The following LRRK2 variants were observed in gnomAD, a reference collection of about 807,000 sequenced individuals.
LRRK2 encodes leucine rich repeat kinase 2.
Under a neutral mutation model 302.6 loss-of-function variants are expected in LRRK2, and 203 were observed. The ratio of observed to expected loss-of-function variants is 0.67; its 90% CI spans 0.60 to 0.75. The LOEUF (loss-of-function observed/expected upper bound fraction) is 0.75, where lower values mean the gene tolerates loss of function less well. Ranked by LOEUF, LRRK2 falls within the 30% of genes least tolerant of loss-of-function variation. The pLI, the probability that LRRK2 is intolerant of heterozygous loss-of-function variation, is 0.00. For missense variants in LRRK2, 2,830 were observed against 2,951.0 expected, an observed-to-expected ratio of 0.96 and a Z score of 0.95; for synonymous variants, 1,066 against 1,031.9, an observed-to-expected ratio of 1.03 and a Z score of -0.63.
chr12:40,306,565 A>G (rs1384759813), intron 28 of LRRK2, among the ~76,000 whole-genome samples: 3 of 151,992 alleles, frequency 2.0e-5, no homozygotes, highest in African/African-American at 4.8e-5. Flanking sequence ...CGGTCTTATT[A>G]CTTTCTCATA....
At chr12:40,293,695 G>A in intron 21 of LRRK2, 32 bp downstream of exon 21, 1 of 1,410,486 alleles carries the variant, frequency 7.1e-7, no homozygotes, top group Admixed American at 1.7e-5. Context: ...TGATTATGTT[G>A]TGTTTTGCTG....
At chr12:40,230,354 G>C (rs1346881499) in intron 2 of LRRK2, among the ~76,000 whole-genome samples, 1 of 151,940 alleles carries the variant, frequency 6.6e-6, no homozygotes, top group African/African-American at 2.4e-5. Context: ...ATTCCTTATT[G>C]GGTGCATATA....
At chr12:40,350,149 T>C (rs1042852957) in intron 43 of LRRK2, among the ~76,000 whole-genome samples, 1 of 152,242 alleles carries the variant, frequency 6.6e-6, no homozygotes, top group African/African-American at 2.4e-5. Context: ...TTCTTGTTTA[T>C]GCTGAATATG....
chr12:40,241,057 C>T (rs1253188678), intron 6 of LRRK2, among the ~76,000 whole-genome samples: 1 of 152,150 alleles, frequency 6.6e-6, no homozygotes, highest in Non-Finnish European at 1.5e-5. Context: ...AGGCAGTGGG[C>T]ATGGTTAATG....
intron 39 of LRRK2, among the ~76,000 whole-genome samples, chr12:40,330,510 T>C (rs1945682523): frequency 6.6e-6 from 1 of 152,176 alleles, no homozygotes; most frequent in Admixed American, 6.5e-5. Context: ...TGTGTTTGTG[T>C]GTAGGTTGTT....
intron 20 of LRRK2, among the ~76,000 whole-genome samples, chr12:40,291,039 A>G (rs1475474466): frequency 1.3e-5 from 2 of 152,166 alleles, no homozygotes; most frequent in Non-Finnish European, 2.9e-5. Flanking sequence ...CAAATGTCCA[A>G]CAATGATAGA....
intron 3 of LRRK2, among the ~76,000 whole-genome samples, chr12:40,233,930 A>G (rs1351949840): frequency 6.6e-6 from 1 of 152,242 alleles, no homozygotes; most frequent in East Asian, 1.9e-4. Context: ...AGTTGTGAAG[A>G]AGATAGACAC....
At chr12:40,366,335 C>T (rs1946879989) in intron 49 of LRRK2, 1 of 151,852 alleles carries the variant, frequency 6.6e-6, no homozygotes, top group African/African-American at 2.4e-5. Flanking sequence ...TCTGAGAAGC[C>T]AACACTGATT....
chr12:40,252,413 G>A (rs1202604298), intron 10 of LRRK2, among the ~76,000 whole-genome samples: 1 of 152,132 alleles, frequency 6.6e-6, no homozygotes, highest in African/African-American at 2.4e-5. Context: ...ATCTCATGTT[G>A]AGCAAGGCTT....
rs199966130 is a variant in LRRK2 at position 40,322,435 on chromosome 12, G to T, written c.5434G>T (p.Ala1812Ser). ...AGGAGAAACTCTGTTGAAGAAATGG[G>T]CATTATATAGTTTTAATGATGGTGA... is the stretch of plus-strand genomic sequence containing the variant. ...GEGETLLKKW[A>S]LYSFNDGEEH... The change falls in exon 37 of 51, where the codon GCA becomes TCA. Residue 1812 changes from alanine (A) to serine (S), a missense_variant. By Grantham distance (99) the Ala-to-Ser change is moderately conservative (BLOSUM62 1). Transcript: ENST00000298910. 1.2e-5 allele frequency: 20 copies of T among 1,613,092 alleles called. No homozygotes were observed. The Admixed American group carries it at 2.8e-4, about 23-fold the overall frequency.
chr12:40,352,313 G>T (rs1298278780), intron 44 of LRRK2, among the ~76,000 whole-genome samples: 3 of 152,038 alleles, frequency 2.0e-5, no homozygotes, highest in African/African-American at 7.2e-5. Context: ...CGTACCTGAT[G>T]GATAAAGGAG....
chr12:40,230,491 T>A (rs1487435044), intron 2 of LRRK2, among the ~76,000 whole-genome samples: 1 of 152,174 alleles, frequency 6.6e-6, no homozygotes, highest in African/African-American at 2.4e-5. Context: ...TCCTCACCGC[T>A]CATCCGTTCT....
intron 13 of LRRK2, among the ~76,000 whole-genome samples, chr12:40,261,307 C>T (rs971162050): frequency 2.0e-5 from 3 of 151,960 alleles, no homozygotes; most frequent in Admixed American, 6.6e-5. Context: ...ACTCAAAAAC[C>T]GTTTCTGTTA....
intron 42 of LRRK2, among the ~76,000 whole-genome samples, chr12:40,347,553 T>C (rs1946224235): frequency 6.6e-6 from 1 of 152,252 alleles, no homozygotes; most frequent in South Asian, 2.1e-4. Context: ...AAATAGAGCT[T>C]TATCTTTTTT....
intron 20 of LRRK2, among the ~76,000 whole-genome samples, chr12:40,288,362 A>G (rs1944008859): frequency 6.6e-6 from 1 of 151,896 alleles, no homozygotes; most frequent in Non-Finnish European, 1.5e-5. Flanking sequence ...AAGTTATGCA[A>G]TATTTTCATT....
In LRRK2 at chr12:40,294,854, T is replaced by G. The variant is rs953836925; in HGVS notation, c.2818T>G (p.Phe940Val). 22 of 1,540,250 alleles carry G rather than the reference T, an allele frequency of 1.4e-5. No individual in the cohort carries two copies. The highest frequency in any genetic ancestry group is 1.8e-5 in the Non-Finnish European group (20 of 1,117,642). Residue 940 changes from phenylalanine (F) to valine (V), a missense_variant, in exon 22 of 51, where the codon TTT becomes GTT. Transcript: ENST00000298910. The stretch of plus-strand genomic sequence containing the variant: ...AATTATTTTTTAATAGGGGCCCATT[T>G]TTGATCATGAAGATTTACTGAAGCG... Reference protein sequence around the residue: ...QRHSNSLGPIFDHEDLLKRKR... With the variant: ...QRHSNSLGPIVDHEDLLKRKR...
At chr12:40,310,301 T>C in intron 30 of LRRK2, 130 bp from the exon 31 acceptor site, 1 of 876,496 alleles carries the variant, frequency 1.1e-6, no homozygotes, top group Non-Finnish European at 1.9e-6. Flanking sequence ...AGTTGTTCTT[T>C]TCTTCTTCTG....
rs146189739 is a variant in LRRK2 at position 40,249,685 on chromosome 12, G to T, written c.839-141G>T. ...TCAAAACTTTACTCAATCATATTAA[G>T]CTATTTTAATTAAAGTAAATGTTTT... On this transcript the variant is annotated intron_variant, in intron 7 of 50. Transcript: ENST00000298910. 18 of 911,750 alleles carry T rather than the reference G, an allele frequency of 2.0e-5. No homozygotes were observed. The African/African-American group carries it at 2.5e-4, about 13-fold the overall frequency. The allele number at this position is 911,750 out of a possible 1,614,324, so 56.5% of individuals were successfully genotyped here. A position where few individuals can be genotyped will look rare whatever the true frequency, so the allele number is the denominator to read the frequency against.
chr12:40,279,225 T>TTTTTTTTTTTTTTTTTG (rs1943587148), intron 18 of LRRK2, among the ~76,000 whole-genome samples: 1 of 148,168 alleles, frequency 6.7e-6, no homozygotes, highest in South Asian at 2.2e-4. Context: ...GTTTACTTTT[T>TTTTTTTTTTTTTTTTTG]AAACCTTACT....
Sources: gnomAD v4.1 joint callset for allele counts (sites outside exome capture counted in the v4.1 genomes callset) on GRCh38, gnomAD v4.1.1 for gene constraint, MANE v1.5 for transcripts, NCBI Gene and HGNC (gene_info 2026-07-23, HGNC 2026-07-21) for gene names.